Variants in BTBD9 observed in about 807,000 individuals in gnomAD.
BTBD9 encodes BTB domain containing 9, also known as BTB/POZ domain-containing protein 9.
A neutral mutation model predicts 64.3 loss-of-function variants in BTBD9; 49 were observed. The observed-to-expected ratio is 0.76, with a 90% CI of 0.61 to 0.97. The LOEUF is 0.97. Ranked by LOEUF, BTBD9 falls within the 50% of genes least tolerant of loss-of-function variation. The probability of loss-of-function intolerance (pLI) is 0.00; values close to 1 mark genes in which losing one functional copy is unlikely to be tolerated. For synonymous variants in BTBD9, 260 were observed against 274.7 expected (o/e 0.95, Z 0.53); for missense variants, 598 against 762.1 (o/e 0.78, Z 2.53).
At chr6:38,226,202 G>T (rs907566722) in intron 9 of BTBD9, among the ~76,000 whole-genome samples, 1 of 152,178 alleles carries the variant, frequency 6.6e-6, no homozygotes. Context: ...GTTTCAAAGG[G>T]GGGTGGGAGT....
intron 8 of BTBD9, among the ~76,000 whole-genome samples, chr6:38,283,515 G>A (rs374117329): frequency 6.6e-6 from 1 of 152,140 alleles, no homozygotes; most frequent in South Asian, 2.1e-4. Context: ...CAGGTGTGGT[G>A]GTGCATGCCT....
intron 7 of BTBD9, among the ~76,000 whole-genome samples, chr6:38,294,145 C>T (rs545469283): frequency 1.1e-4 from 16 of 152,174 alleles, no homozygotes; most frequent in African/African-American, 3.4e-4. Context: ...GTTAGAATGG[C>T]GATCATTAAA....
Position 38,266,595 on chromosome 6 carries a change from AGGAAAGAAAG to A in BTBD9, c.1455-10089_1455-10080del, listed in dbSNP as rs1295942150. The stretch of plus-strand genomic sequence containing the variant: ...TCTCAACAAGAAAGAAAGGAAAGAA[AGGAAAGAAAG>A]GAAAGAAAGAAAGAAAGAAAGAAAG... On this transcript the variant is annotated intron_variant, in intron 8 of 10. Coordinates refer to ENST00000481247, the MANE Select transcript of BTBD9 (RefSeq NM_001099272.2). 1.0e-3 allele frequency among the ~76,000 whole-genome samples: 142 copies of A among 136,758 alleles called. 2 individuals are homozygous for A. Among genetic ancestry groups the A allele is most frequent in the East Asian group, 9.4e-3 (42 of 4,458 alleles). 89.7% of individuals were successfully genotyped at this position (136,758 alleles called of 152,430 possible).
At chr6:38,176,782 G>C (rs1761276797) in intron 10 of BTBD9, among the ~76,000 whole-genome samples, 2 of 152,144 alleles carry the variant, frequency 1.3e-5, no homozygotes, top group African/African-American at 4.8e-5. Context: ...TCCTTCATCA[G>C]CTTCACAATC....
intron 6 of BTBD9, among the ~76,000 whole-genome samples, chr6:38,484,347 C>A (rs148821691): frequency 1.3e-5 from 2 of 152,054 alleles, no homozygotes; most frequent in Non-Finnish European, 2.9e-5. Flanking sequence ...AGCAGATGGG[C>A]AAAAGTTCTA....
chr6:38,303,838 T>TAG (rs1271997693), intron 7 of BTBD9, among the ~76,000 whole-genome samples: 2 of 71,606 alleles, frequency 2.8e-5, no homozygotes, highest in African/African-American at 7.0e-5. Flanking sequence ...CTTTAGTTGC[T>TAG]AGATATATAT....
chr6:38,305,220 T>C (rs1361000069), intron 7 of BTBD9, among the ~76,000 whole-genome samples: 1 of 152,126 alleles, frequency 6.6e-6, no homozygotes, highest in African/African-American at 2.4e-5. Context: ...AAAAGTAAAA[T>C]ATGATCAATC....
At chr6:38,527,112 T>A (rs1773535809) in intron 6 of BTBD9, among the ~76,000 whole-genome samples, 1 of 151,206 alleles carries the variant, frequency 6.6e-6, no homozygotes, top group African/African-American at 2.4e-5. Context: ...CCATCTCTAC[T>A]AAAAACACAA....
chr6:38,233,459 T>C (rs181721950), intron 9 of BTBD9, among the ~76,000 whole-genome samples: 1 of 152,280 alleles, frequency 6.6e-6, no homozygotes, highest in Admixed American at 6.5e-5. Context: ...TCTCTAACAG[T>C]GCGGTATTCT....
intron 10 of BTBD9, among the ~76,000 whole-genome samples, chr6:38,176,883 AT>A (rs957457901): frequency 6.6e-6 from 1 of 152,172 alleles, no homozygotes; most frequent in African/African-American, 2.4e-5. Flanking sequence ...ACACCCAGGG[AT>A]AGGTGAGGTC....
chr6:38,259,265 G>A (rs1047773851), intron 8 of BTBD9, among the ~76,000 whole-genome samples: 3 of 152,124 alleles, frequency 2.0e-5, no homozygotes, highest in Non-Finnish European at 4.4e-5. Flanking sequence ...AAAGTAGCTT[G>A]TATTATTTTC....
intron 9 of BTBD9, among the ~76,000 whole-genome samples, chr6:38,229,195 A>C (rs918540322): frequency 5.2e-5 from 3 of 57,556 alleles, no homozygotes; most frequent in African/African-American, 9.5e-5. Context: ...AGACTCTGTC[A>C]AAAAAAAAAA....
chr6:38,293,990 C>T (rs1393491012), intron 7 of BTBD9, among the ~76,000 whole-genome samples: 1 of 152,042 alleles, frequency 6.6e-6, no homozygotes, highest in South Asian at 2.1e-4. Flanking sequence ...AAACAAACAA[C>T]CCCATCAAAA....
At chr6:38,253,582 C>G (rs1012267620) in intron 9 of BTBD9, among the ~76,000 whole-genome samples, 1 of 152,160 alleles carries the variant, frequency 6.6e-6, no homozygotes, top group Non-Finnish European at 1.5e-5. Context: ...GAAGAGGAAT[C>G]CAGTTTACAA....
In BTBD9 at chr6:38,261,316, C is replaced by T. The variant is rs185670705; in HGVS notation, c.1455-4800G>A. ...TGTAAGTGAAACTCCTGGAACAGGGCATATAACATCTTGAGGCTTTGATGT... is the reference window on the plus strand; with the variant it reads ...TGTAAGTGAAACTCCTGGAACAGGGTATATAACATCTTGAGGCTTTGATGT... On this transcript the variant is annotated intron_variant, in intron 8 of 10. Transcript: ENST00000481247. 3.3e-5 allele frequency among the ~76,000 whole-genome samples: 5 copies of T among 152,254 alleles called. No homozygotes were observed. In the East Asian group the frequency reaches 7.7e-4, roughly 23 times the overall value.
chr6:38,241,040 A>G (rs1336285438), intron 9 of BTBD9, among the ~76,000 whole-genome samples: 2 of 152,190 alleles, frequency 1.3e-5, no homozygotes, highest in Non-Finnish European at 2.9e-5. Flanking sequence ...GAAACAAACA[A>G]ACAAGCTTCC....
At chr6:38,199,815 T>C (rs1029601328) in intron 9 of BTBD9, among the ~76,000 whole-genome samples, 3 of 152,092 alleles carry the variant, frequency 2.0e-5, no homozygotes, top group South Asian at 2.1e-4. Flanking sequence ...CACAAACCCA[T>C]CCATATACTA....
chr6:38,580,489 ATTTTTTG>A, intron 4 of BTBD9, 52 bp from the exon 5 acceptor site: 1 of 1,466,656 alleles, frequency 6.8e-7, no homozygotes, highest in Admixed American at 1.9e-5. Context: ...TTTATTCTGT[ATTTTTTG>A]AAAAAAATAC....
At chr6:38,186,180 A>C (rs535902993) in intron 10 of BTBD9, among the ~76,000 whole-genome samples, 6 of 152,324 alleles carry the variant, frequency 3.9e-5, no homozygotes, top group African/African-American at 1.4e-4. Context: ...CCACTGCTCC[A>C]CAATTTTGCC....
Sources: gnomAD v4.1 joint callset for allele counts (sites outside exome capture counted in the v4.1 genomes callset) on GRCh38, gnomAD v4.1.1 for gene constraint, MANE v1.5 for transcripts, NCBI Gene and HGNC (gene_info 2026-07-23, HGNC 2026-07-21) for gene names.